Variants in PPP2R2C observed in about 807,000 individuals in gnomAD.
The protein encoded by PPP2R2C is protein phosphatase 2, regulatory subunit B, gamma.
PPP2R2C carries 10 observed loss-of-function variants against 45.3 expected under a neutral mutation model. The ratio of observed to expected loss-of-function variants is 0.22; its 90% CI spans 0.14 to 0.37. The LOEUF (loss-of-function observed/expected upper bound fraction) is 0.37, where lower values mean the gene tolerates loss of function less well. PPP2R2C is among the 10% of genes least tolerant of loss of function. The probability of loss-of-function intolerance (pLI) is 1.00; values close to 1 mark genes in which losing one functional copy is unlikely to be tolerated. For missense variants in PPP2R2C, 308 were observed against 619.7 expected, an observed-to-expected ratio of 0.50 and a Z score of 5.34; for synonymous variants, 257 against 245.4, an observed-to-expected ratio of 1.05 and a Z score of -0.44.
At chr4:6,464,917 A>AAGGG (rs1721516651) in intron 1 of PPP2R2C, among the ~76,000 whole-genome samples, 1 of 132,628 alleles carries the variant, frequency 7.5e-6, no homozygotes, top group Non-Finnish European at 1.6e-5. Flanking sequence ...GGAAGGGAGG[A>AAGGG]AGGGAGGGAG....
Position 6,472,391 on chromosome 4 carries a change from C to T in PPP2R2C, c.-162G>A. The stretch of plus-strand genomic sequence containing the variant: ...ATCGCGGCAGGGGGACGGGCGGGGG[C>T]GGCCGGGGGCGGGCGCCGCGGTCAA... On this transcript the variant is annotated 5_prime_UTR_variant, in exon 1 of 9. Coordinates refer to ENST00000382599, the MANE Select transcript of PPP2R2C (RefSeq NM_020416.4). The T allele has an allele frequency of 2.6e-6, 2 of 767,138 alleles. No individual in the cohort carries two copies. Among genetic ancestry groups the T allele is most frequent in the Non-Finnish European group, 3.2e-6 (2 of 632,964 alleles). 47.5% of individuals were successfully genotyped at this position (767,138 alleles called of 1,614,324 possible).
intron 1 of PPP2R2C, among the ~76,000 whole-genome samples, chr4:6,470,847 G>C (rs1440344623): frequency 6.6e-6 from 1 of 152,064 alleles, no homozygotes; most frequent in African/African-American, 2.4e-5. Context: ...GGCGAAGCGT[G>C]CGTGACTCAG....
At position 6,414,070 on chromosome 4, in the gene PPP2R2C, CTGTG is replaced by C. The variant is rs1383054753; in HGVS notation, c.71-32980_71-32977del. 3.8e-5 allele frequency: 46 copies of C among 1,202,600 alleles called. 1 individual carries two copies. In the East Asian group the frequency reaches 8.8e-4, roughly 23 times the overall value. The allele number at this position is 1,202,600 out of a possible 1,614,324, so 74.5% of individuals were successfully genotyped here. A position where few individuals can be genotyped will look rare whatever the true frequency, so the allele number is the denominator to read the frequency against. ...CATGGGACAGTAACATAAGTTTTGC[CTGTG>C]TATGTGTGTGTGTGTGTGTGTGTGT... is the stretch of plus-strand genomic sequence containing the variant. On this transcript the variant is annotated intron_variant, in intron 1 of 8. Coordinates refer to ENST00000382599, the MANE Select transcript of PPP2R2C (RefSeq NM_020416.4).
chr4:6,414,774 A>G (rs777463315), intron 1 of PPP2R2C, among the ~76,000 whole-genome samples: 1 of 152,122 alleles, frequency 6.6e-6, no homozygotes, highest in Non-Finnish European at 1.5e-5. Context: ...TCACTACGCC[A>G]TCACTCCTTC....
At chr4:6,390,957 T>C (rs1227495754) in intron 1 of PPP2R2C, among the ~76,000 whole-genome samples, 2 of 152,114 alleles carry the variant, frequency 1.3e-5, no homozygotes, top group African/African-American at 4.8e-5. Flanking sequence ...ATGGGGCAGC[T>C]CCCAGGCCTG....
intron 1 of PPP2R2C, among the ~76,000 whole-genome samples, chr4:6,464,865 T>C (rs1056808673): frequency 8.9e-6 from 1 of 112,944 alleles, no homozygotes; most frequent in African/African-American, 3.5e-5. Context: ...GTTATGAAAA[T>C]AAGAAAGTGT....
intron 1 of PPP2R2C, among the ~76,000 whole-genome samples, chr4:6,434,174 A>C (rs1461928138): frequency 1.3e-5 from 2 of 152,180 alleles, no homozygotes; most frequent in Non-Finnish European, 2.9e-5. Context: ...ACATCATTCT[A>C]CATCAGCGCA....
At chr4:6,373,236 T>C (rs1263615144) in intron 4 of PPP2R2C, among the ~76,000 whole-genome samples, 1 of 152,124 alleles carries the variant, frequency 6.6e-6, no homozygotes, top group Admixed American at 6.5e-5. Context: ...ACTCATGGGA[T>C]GGGGATGGAA....
intron 1 of PPP2R2C, among the ~76,000 whole-genome samples, chr4:6,427,804 T>G (rs1719408070): frequency 6.6e-6 from 1 of 152,150 alleles, no homozygotes; most frequent in African/African-American, 2.4e-5. Flanking sequence ...ATCAGAGTGG[T>G]GTTCTCTAAC....
intron 5 of PPP2R2C, among the ~76,000 whole-genome samples, chr4:6,360,011 G>C (rs1320558571): frequency 6.6e-6 from 1 of 152,218 alleles, no homozygotes; most frequent in African/African-American, 2.4e-5. Flanking sequence ...CCCCAGTGGA[G>C]ATCCCACGAC....
intron 2 of PPP2R2C, among the ~76,000 whole-genome samples, chr4:6,527,137 T>A (rs943487893): frequency 6.6e-6 from 1 of 151,948 alleles, no homozygotes; most frequent in African/African-American, 2.4e-5. Flanking sequence ...TCAGTTTTTT[T>A]ATCTGTGCCA....
At chr4:6,527,556 C>CACAGCCCCACTCCT (rs1724255546) in intron 2 of PPP2R2C, among the ~76,000 whole-genome samples, 1 of 93,636 alleles carries the variant, frequency 1.1e-5, no homozygotes. Flanking sequence ...CAACAGCTTG[C>CACAGCCCCACTCCT]CAGGGACTTG....
chr4:6,360,342 G>A (rs951204512), intron 5 of PPP2R2C, among the ~76,000 whole-genome samples: 1 of 152,252 alleles, frequency 6.6e-6, no homozygotes, highest in African/African-American at 2.4e-5. Context: ...GGACCCTGAT[G>A]CCAGGCTGGC....
chr4:6,381,262 C>A lies in PPP2R2C; in HGVS notation c.71-168G>T. The A allele has an allele frequency of 2.6e-6, 4 of 1,533,316 alleles. No individual in the cohort carries two copies. The African/African-American group carries it at 4.1e-5, about 16-fold the overall frequency. 95.0% of individuals were successfully genotyped at this position (1,533,316 alleles called of 1,614,324 possible). A position where few individuals can be genotyped will look rare whatever the true frequency, so the allele number is the denominator to read the frequency against. The stretch of plus-strand genomic sequence containing the variant: ...GTCAGGAGCATCGGCGAGGGGCCAC[C>A]AACCTGTCCCCTCCTGCCCTCCTCT... On this transcript the variant is annotated intron_variant, in intron 1 of 8. Coordinates refer to ENST00000382599, the MANE Select transcript of PPP2R2C (RefSeq NM_020416.4).
intron 1 of PPP2R2C, among the ~76,000 whole-genome samples, chr4:6,422,262 C>T (rs1719025605): frequency 1.3e-5 from 2 of 152,298 alleles, no homozygotes; most frequent in South Asian, 2.1e-4. Flanking sequence ...CCGCCACTTG[C>T]GTGAGACCAA....
chr4:6,376,743 C>T (rs1216989655), intron 3 of PPP2R2C, among the ~76,000 whole-genome samples: 2 of 152,134 alleles, frequency 1.3e-5, no homozygotes, highest in East Asian at 1.9e-4. Flanking sequence ...CATGAGCCAC[C>T]GCATGTGGCT....
At chr4:6,443,764 TC>T (rs1720273904) in intron 1 of PPP2R2C, among the ~76,000 whole-genome samples, 3 of 151,742 alleles carry the variant, frequency 2.0e-5, no homozygotes, top group Admixed American at 1.3e-4. Flanking sequence ...ATGTATTCCC[TC>T]CCCACCCCAC....
intron 2 of PPP2R2C, among the ~76,000 whole-genome samples, chr4:6,483,230 T>A (rs899610372): frequency 6.6e-6 from 1 of 152,178 alleles, no homozygotes; most frequent in African/African-American, 2.4e-5. Flanking sequence ...AGAAGTCATA[T>A]TGATTAATAA....
At chr4:6,395,771 C>T (rs1209137596) in intron 1 of PPP2R2C, among the ~76,000 whole-genome samples, 1 of 152,194 alleles carries the variant, frequency 6.6e-6, no homozygotes, top group Non-Finnish European at 1.5e-5. Context: ...ATGGGCAGAC[C>T]CTCCTGATTG....
Sources: allele counts gnomAD v4.1 joint callset (sites outside exome capture counted in the v4.1 genomes callset), GRCh38; gene constraint gnomAD v4.1.1; transcripts MANE v1.5; gene names NCBI Gene and HGNC (gene_info 2026-07-23, HGNC 2026-07-21).